The following ME3 variants were observed in gnomAD, a reference collection of about 807,000 sequenced individuals.
The protein encoded by ME3 is NADP-dependent malic enzyme, mitochondrial.
Under a neutral mutation model 68.9 loss-of-function variants are expected in ME3, and 48 were observed. That is an observed-to-expected ratio of 0.70 (90% confidence interval 0.55 to 0.89). ME3 has a LOEUF of 0.89. ME3 is among the 40% of genes least tolerant of loss of function. The pLI is 0.00. For missense variants in ME3, 675 were observed against 797.4 expected, an observed-to-expected ratio of 0.85 and a Z score of 1.85; for synonymous variants, 320 against 318.8, an observed-to-expected ratio of 1.00 and a Z score of -0.04.
intron 7 of ME3, among the ~76,000 whole-genome samples, chr11:86,472,370 A>G (rs1950831583): frequency 6.6e-6 from 1 of 152,144 alleles, no homozygotes; most frequent in Non-Finnish European, 1.5e-5. Flanking sequence ...TGTTTTAGGA[A>G]GTTTATTCTG....
At chr11:86,506,359 G>T (rs1953072597) in intron 5 of ME3, among the ~76,000 whole-genome samples, 1 of 152,138 alleles carries the variant, frequency 6.6e-6, no homozygotes, top group Admixed American at 6.5e-5. Flanking sequence ...AGCTCCTAAG[G>T]TTCTATTTTG....
At chr11:86,460,487 T>C (rs1377089145) in intron 8 of ME3, among the ~76,000 whole-genome samples, 1 of 152,224 alleles carries the variant, frequency 6.6e-6, no homozygotes, top group Non-Finnish European at 1.5e-5. Context: ...GATTGAATTC[T>C]ATCTATCCAC....
At chr11:86,520,129 C>T (rs1000976775) in intron 4 of ME3, among the ~76,000 whole-genome samples, 3 of 152,204 alleles carry the variant, frequency 2.0e-5, no homozygotes, top group Non-Finnish European at 4.4e-5. Context: ...CTATGTCCCC[C>T]TCCCAGCCCC....
intron 2 of ME3, among the ~76,000 whole-genome samples, chr11:86,573,075 C>CT (rs140968573): frequency 0.62 from 93,910 of 152,032 alleles, 29,189 homozygotes; most frequent in Admixed American, 0.67. Flanking sequence ...GCATAAATGT[C>CT]TTTTTTGAGA....
chr11:86,487,791 C>T (rs146198773), intron 6 of ME3, among the ~76,000 whole-genome samples: 2,121 of 152,334 alleles, frequency 0.014, 21 homozygotes, highest in Non-Finnish European at 0.021. Flanking sequence ...AATTCTTTAA[C>T]GTGAGGCCTG....
intron 2 of ME3, among the ~76,000 whole-genome samples, chr11:86,602,686 A>C (rs10898510): frequency 0.17 from 26,428 of 152,112 alleles, 2,636 homozygotes; most frequent in East Asian, 0.39. Context: ...GAGGCATCAC[A>C]CTACCTGACT....
intron 2 of ME3, among the ~76,000 whole-genome samples, chr11:86,663,935 G>A (rs529413470): frequency 6.6e-6 from 1 of 152,358 alleles, no homozygotes; most frequent in Non-Finnish European, 1.5e-5. Flanking sequence ...ACCCTTCAGC[G>A]TTGCTGCTGA....
intron 2 of ME3, among the ~76,000 whole-genome samples, chr11:86,597,551 G>C (rs1213441324): frequency 6.6e-6 from 1 of 152,200 alleles, no homozygotes; most frequent in Non-Finnish European, 1.5e-5. Flanking sequence ...CCCCACCTCT[G>C]TGAAGTATGC....
At chr11:86,597,976 G>A (rs755987661) in intron 2 of ME3, among the ~76,000 whole-genome samples, 1 of 152,128 alleles carries the variant, frequency 6.6e-6, no homozygotes, top group East Asian at 1.9e-4. Context: ...AGCCAAGATG[G>A]CCGAATAGGA....
chr11:86,662,020 A>G (rs1464391522), intron 2 of ME3, among the ~76,000 whole-genome samples: 1 of 152,230 alleles, frequency 6.6e-6, no homozygotes, highest in South Asian at 2.1e-4. Context: ...AGTGATCTTT[A>G]AAGTTCTCTC....
intron 3 of ME3, among the ~76,000 whole-genome samples, chr11:86,558,496 A>G (rs1957042015): frequency 1.3e-5 from 2 of 152,104 alleles, no homozygotes; most frequent in Admixed American, 1.3e-4. Context: ...TGTGCTCATC[A>G]CCACTCAGAA....
At chr11:86,487,916 G>A (rs887529693) in intron 6 of ME3, among the ~76,000 whole-genome samples, 4 of 152,192 alleles carry the variant, frequency 2.6e-5, no homozygotes, top group Non-Finnish European at 5.9e-5. Flanking sequence ...GGTGGCTCAC[G>A]CCTGTAATCT....
chr11:86,536,338 G>A (rs1955658402), intron 4 of ME3, among the ~76,000 whole-genome samples: 1 of 146,214 alleles, frequency 6.8e-6, no homozygotes, highest in Admixed American at 7.0e-5. Flanking sequence ...TACCATCAGA[G>A]TGAACAGGCA....
At chr11:86,493,177 A>G (rs1401962833) in intron 6 of ME3, among the ~76,000 whole-genome samples, 1 of 152,138 alleles carries the variant, frequency 6.6e-6, no homozygotes, top group East Asian at 1.9e-4. Flanking sequence ...TGTCAACTCC[A>G]TGCTTCCTTG....
intron 2 of ME3, among the ~76,000 whole-genome samples, chr11:86,582,654 C>CT (rs1034714972): frequency 6.6e-6 from 1 of 152,080 alleles, no homozygotes; most frequent in African/African-American, 2.4e-5. Flanking sequence ...AATACTGCTA[C>CT]TTAATGTAAT....
At chr11:86,672,039 T>C in intron 1 of ME3, 81 bp from the exon 2 acceptor site, 1 of 1,150,584 alleles carries the variant, frequency 8.7e-7, no homozygotes, top group Non-Finnish European at 1.1e-6. Flanking sequence ...CCGGGCCTGA[T>C]CCGGGGACGC....
At chr11:86,437,542 A>G (rs1165701796), downstream of ME3, among the ~76,000 whole-genome samples, 3 of 119,458 alleles carry the variant, frequency 2.5e-5, no homozygotes, top group Admixed American at 1.7e-4. Flanking sequence ...TGTTCACTTT[A>G]TAGATTTGAA....
chr11:86,649,825 G>C (rs1945280999), intron 2 of ME3, among the ~76,000 whole-genome samples: 1 of 152,138 alleles, frequency 6.6e-6, no homozygotes, highest in Non-Finnish European at 1.5e-5. Flanking sequence ...CAAACAAATG[G>C]AAAAACGTTC....
At chr11:86,555,816 C>A (rs1453361750) in intron 4 of ME3, among the ~76,000 whole-genome samples, 1 of 152,172 alleles carries the variant, frequency 6.6e-6, no homozygotes, top group Non-Finnish European at 1.5e-5. Context: ...AATTACATAT[C>A]TGTGCACAGT....
Sources: gnomAD v4.1 joint callset for allele counts (sites outside exome capture counted in the v4.1 genomes callset) on GRCh38, gnomAD v4.1.1 for gene constraint, MANE v1.5 for transcripts, NCBI Gene and HGNC (gene_info 2026-07-23, HGNC 2026-07-21) for gene names.